CCDC112: variants seen among roughly 807,000 people sequenced by gnomAD.
CCDC112 encodes coiled-coil domain-containing protein 112.
In CCDC112, 40 loss-of-function variants were observed where a neutral mutation model predicts 66.3. That is an observed-to-expected ratio of 0.60 (90% confidence interval 0.47 to 0.79). CCDC112 has a LOEUF of 0.79. Among genes scored for constraint, CCDC112 ranks in the 30% least tolerant of loss-of-function variants. CCDC112 has a pLI of 0.00. For synonymous variants in CCDC112, 214 were observed against 197.2 expected (o/e 1.09, Z -0.71); for missense variants, 659 against 603.8 (o/e 1.09, Z -0.96).
At chr5:115,295,671 A>C (rs555934571) in intron 1 of CCDC112, among the ~76,000 whole-genome samples, 1 of 152,340 alleles carries the variant, frequency 6.6e-6, no homozygotes, top group East Asian at 1.9e-4. Flanking sequence ...ATAAAGAATA[A>C]AATTTCCAAT....
At chr5:115,281,780 T>G (rs528068731) in intron 2 of CCDC112, among the ~76,000 whole-genome samples, 1 of 152,134 alleles carries the variant, frequency 6.6e-6, no homozygotes, top group Non-Finnish European at 1.5e-5. Flanking sequence ...ACCTCCTCAA[T>G]AGAAGAAATG....
In CCDC112 at chr5:115,296,435, G is replaced by C. The variant is rs1750161382; in HGVS notation, c.109C>G (p.Pro37Ala). 6.4e-7 allele frequency: 1 copy of C among 1,566,976 alleles called. No homozygotes were observed. The highest frequency in any genetic ancestry group is 8.6e-7 in the Non-Finnish European group (1 of 1,164,838). ...TGTGVGATPA[P>A]QQSDGCFSTS... ...GGTTCTCCCGGATTTACCTGTTGAG[G>C]CGCTGGCGTCGCTCCCACGCCGGTC... The change falls in exon 1 of 10, where the codon CCT becomes GCT. Residue 37 changes from proline (P) to alanine (A), a missense_variant. By Grantham distance (27) the Pro-to-Ala change is conservative (BLOSUM62 -1). Transcript: ENST00000379611.
intron 3 of CCDC112, among the ~76,000 whole-genome samples, chr5:115,277,602 C>T (rs1749263111): frequency 6.6e-6 from 1 of 152,122 alleles, no homozygotes; most frequent in Non-Finnish European, 1.5e-5. Context: ...CCTCAGGTAT[C>T]ATTCAGTGGT....
chr5:115,282,107 C>T (rs990363340), intron 2 of CCDC112, among the ~76,000 whole-genome samples: 2 of 152,228 alleles, frequency 1.3e-5, no homozygotes, highest in Admixed American at 1.3e-4. Context: ...CCTAAATGTC[C>T]ATAAATATGG....
chr5:115,289,187 T>G (rs1749813852), intron 1 of CCDC112: 1 of 195,592 alleles, frequency 5.1e-6, no homozygotes, highest in East Asian at 1.7e-4. Flanking sequence ...TTGCACTTTG[T>G]GTCTGAAGAT....
In CCDC112 at chr5:115,279,848, C is replaced by T. The variant is rs116598812; in HGVS notation, c.240-80G>A. ...TTAAAATATGAAGACACTCAATAAT[C>T]CGTATTTTATATTTGGATTAATTCA... On this transcript the variant is annotated intron_variant, in intron 2 of 9. Transcript: ENST00000379611. 1,367 of 775,426 alleles carry T rather than the reference C, an allele frequency of 1.8e-3. 14 individuals are homozygous for T. In the African/African-American group the frequency reaches 0.022, roughly 12 times the overall value. 48.0% of individuals were successfully genotyped at this position (775,426 alleles called of 1,614,324 possible).
intron 2 of CCDC112, among the ~76,000 whole-genome samples, chr5:115,282,173 C>T (rs1386222146): frequency 6.6e-6 from 1 of 152,140 alleles, no homozygotes; most frequent in African/African-American, 2.4e-5. Context: ...CAGTGGTACT[C>T]TGTTCTACGT....
chr5:115,271,393 C>A lies in CCDC112; in HGVS notation c.1152G>T (p.Glu384Asp). The change falls in exon 7 of 10, where the codon GAG (glutamate) becomes GAT (aspartate). Residue 384 changes from glutamate (E) to aspartate (D), a missense_variant. Glu to Asp is a conservative substitution (Grantham distance 45). Coordinates refer to ENST00000379611, the MANE Select transcript of CCDC112 (RefSeq NM_001040440.3). ...GCTGGCGTTCTTTCTGATGTTTTTT[C>A]TCTTTCTCTTCTTCTTCTTTTAACT... ...ASQLKEEEEK[E>D]KKHQKERQRQ... 6.2e-7 allele frequency: 1 copy of A among 1,608,788 alleles called. No individual in the cohort carries two copies. Among genetic ancestry groups the A allele is most frequent in the Non-Finnish European group, 8.5e-7 (1 of 1,178,958 alleles).
chr5:115,272,880 T>C (rs1749064795), intron 6 of CCDC112, among the ~76,000 whole-genome samples: 1 of 152,204 alleles, frequency 6.6e-6, no homozygotes, highest in South Asian at 2.1e-4. Context: ...TGCAAAAATA[T>C]TGGGAATTTG....
At chr5:115,294,960 C>G (rs1750085673) in intron 1 of CCDC112, among the ~76,000 whole-genome samples, 1 of 152,144 alleles carries the variant, frequency 6.6e-6, no homozygotes, top group Non-Finnish European at 1.5e-5. Context: ...TCTGCTTTCC[C>G]TACTAAAGTG....
At chr5:115,293,418 C>T (rs945789758) in intron 1 of CCDC112, among the ~76,000 whole-genome samples, 6 of 152,166 alleles carry the variant, frequency 3.9e-5, no homozygotes, top group African/African-American at 1.4e-4. Flanking sequence ...GAACATCACA[C>T]TGTACCCCAT....
chr5:115,278,442 G>T (rs1749301808), intron 3 of CCDC112, among the ~76,000 whole-genome samples: 1 of 151,844 alleles, frequency 6.6e-6, no homozygotes. Flanking sequence ...AACATAAAGT[G>T]TAGTAACACT....
chr5:115,279,170 A>C (rs996809977), intron 3 of CCDC112, among the ~76,000 whole-genome samples: 1 of 152,176 alleles, frequency 6.6e-6, no homozygotes, highest in Non-Finnish European at 1.5e-5. Flanking sequence ...AAGTTTTAGA[A>C]TGTAGACAAG....
In CCDC112 at chr5:115,275,369, G is replaced by C. The variant is rs771555774; in HGVS notation, c.765C>G (p.His255Gln). Residue 255 changes from histidine to glutamine, a missense_variant, in exon 6 of 10, where the codon CAC (histidine) becomes CAG (glutamine). Transcript: ENST00000379611. Reference protein sequence around the residue: ...GRQGAWDDYDHQNFVKVRNKH... With the variant: ...GRQGAWDDYDQQNFVKVRNKH... ...TGTTTCTCACCTTTACAAAGTTCTGGTGATCATAATCATCCCAGGCACCTT... is the reference window on the plus strand; with the variant it reads ...TGTTTCTCACCTTTACAAAGTTCTGCTGATCATAATCATCCCAGGCACCTT... The C allele has an allele frequency of 6.2e-7, 1 of 1,613,922 alleles. No homozygotes were observed. The highest frequency in any genetic ancestry group is 2.2e-5 in the East Asian group (1 of 44,862).
chr5:115,269,069 G>A, intron 8 of CCDC112, 69 bp from the exon 9 acceptor site: 1 of 826,370 alleles, frequency 1.2e-6, no homozygotes, highest in Non-Finnish European at 1.9e-6. Flanking sequence ...ATAAGTAAAA[G>A]CCTTAGTGCA....
In CCDC112 at chr5:115,271,418, T is replaced by C; in HGVS notation, c.1127A>G (p.Gln376Arg). ...SIEMSMKCAS[Q>R]LKEEEEKEKK... ...CTCTTTCTCTTCTTCTTCTTTTAAC[T>C]GGGAAGCACATTTCATTGACATTTC... Residue 376 changes from glutamine (Q) to arginine (R), a missense_variant, in exon 7 of 10, where the codon CAG (glutamine) becomes CGG (arginine). Coordinates refer to ENST00000379611, the MANE Select transcript of CCDC112 (RefSeq NM_001040440.3). The C allele has an allele frequency of 6.2e-7, 1 of 1,608,416 alleles. No homozygotes were observed. Among genetic ancestry groups the C allele is most frequent in the South Asian group, 1.1e-5 (1 of 88,814 alleles).
At position 115,267,663 on chromosome 5, in the gene CCDC112, T is replaced by A. The variant is rs1312744829; in HGVS notation, c.*213A>T. ...CTTATTTAAATAACTTTTACATCAA[T>A]AATAGGCCAACACATATATTAAATA... On this transcript the variant is annotated 3_prime_UTR_variant, in exon 10 of 10. Transcript: ENST00000379611. The A allele has an allele frequency of 2.0e-6, 1 of 508,330 alleles. No individual in the cohort carries two copies. The allele number at this position is 508,330 out of a possible 1,614,324, so 31.5% of individuals were successfully genotyped here.
At chr5:115,277,980 T>A (rs1344125784) in intron 3 of CCDC112, among the ~76,000 whole-genome samples, 1 of 152,174 alleles carries the variant, frequency 6.6e-6, no homozygotes, top group East Asian at 1.9e-4. Context: ...AGAAAAAGTT[T>A]ACCTATAGGT....
chr5:115,292,712 T>A (rs1580811940), intron 1 of CCDC112, among the ~76,000 whole-genome samples: 1 of 152,242 alleles, frequency 6.6e-6, no homozygotes, highest in African/African-American at 2.4e-5. Context: ...GGTGTGGCAG[T>A]GAAATCTCTG....
Sources: allele counts gnomAD v4.1 joint callset (sites outside exome capture counted in the v4.1 genomes callset), GRCh38; gene constraint gnomAD v4.1.1; transcripts MANE v1.5; gene names NCBI Gene and HGNC (gene_info 2026-07-23, HGNC 2026-07-21).